KDM2B: variants seen among roughly 807,000 people sequenced by gnomAD.
KDM2B encodes lysine demethylase 2B.
A neutral mutation model predicts 150.0 loss-of-function variants in KDM2B; 26 were observed. That is an observed-to-expected ratio of 0.17 (90% CI 0.13 to 0.24). KDM2B has a LOEUF of 0.24. Ranked by LOEUF, KDM2B falls within the 10% of genes least tolerant of loss-of-function variation. The pLI, the probability that KDM2B is intolerant of heterozygous loss-of-function variation, is 1.00. For missense variants in KDM2B, 1,265 were observed against 1,816.9 expected, an observed-to-expected ratio of 0.70 and a Z score of 5.52; for synonymous variants, 734 against 729.5, an observed-to-expected ratio of 1.01 and a Z score of -0.10.
rs1353106164 is a variant in KDM2B at position 121,444,168 on chromosome 12, C to T, written c.2295G>A (p.Lys765=). Residue 765 remains lysine, a synonymous_variant, in exon 16 of 23, where the codon AAG becomes AAA. Coordinates refer to ENST00000377071, the MANE Select transcript of KDM2B (RefSeq NM_032590.5). ...GCGCCTCCTCACACTCACTCCTCCGCTTGGCAGGTTCCTGCCCTTCCTTGT... is the reference window on the plus strand; with the variant it reads ...GCGCCTCCTCACACTCACTCCTCCGTTTGGCAGGTTCCTGCCCTTCCTTGT... ...RDNKEGQEPA[K]RRSECEEAPR... 5.6e-6 allele frequency: 9 copies of T among 1,612,588 alleles called. No homozygotes were observed. The highest frequency in any genetic ancestry group is 7.6e-6 in the Non-Finnish European group (9 of 1,180,050).
At chr12:121,541,929 T>C (rs1329296826) in intron 6 of KDM2B, among the ~76,000 whole-genome samples, 2 of 152,212 alleles carry the variant, frequency 1.3e-5, no homozygotes, top group African/African-American at 2.4e-5. Context: ...GCCCATGTCA[T>C]AGAACTAGGC....
chr12:121,427,087 A>G (rs1213654999), downstream of KDM2B, among the ~76,000 whole-genome samples: 1 of 152,194 alleles, frequency 6.6e-6, no homozygotes, highest in Non-Finnish European at 1.5e-5. Context: ...AGAGGAAGGG[A>G]CAGAGCCTCT....
chr12:121,455,534 G>T (rs1240245830), intron 12 of KDM2B, among the ~76,000 whole-genome samples: 1 of 152,060 alleles, frequency 6.6e-6, no homozygotes, highest in Admixed American at 6.6e-5. Flanking sequence ...AACATAGTGA[G>T]ACCTACAAAA....
At chr12:121,449,391 A>G (rs7980819) in intron 13 of KDM2B, among the ~76,000 whole-genome samples, 83,877 of 151,804 alleles carry the variant, frequency 0.55, 23,472 homozygotes, top group East Asian at 0.67. Context: ...CAGAAGGGCT[A>G]GGAGAAGAGT....
intron 12 of KDM2B, among the ~76,000 whole-genome samples, chr12:121,475,416 C>A (rs540020341): frequency 2.0e-5 from 3 of 151,302 alleles, no homozygotes; most frequent in African/African-American, 7.3e-5. Flanking sequence ...ACACTGAGAC[C>A]CTGTCTTTAC....
At chr12:121,507,685 T>G in intron 11 of KDM2B, among the ~76,000 whole-genome samples, 1 of 151,996 alleles carries the variant, frequency 6.6e-6, no homozygotes, top group East Asian at 1.9e-4. Context: ...CACACAGAAA[T>G]AGATCACAGA....
chr12:121,416,310 C>T, the KDM2B span: 1 of 1,614,126 alleles, frequency 6.2e-7, no homozygotes, highest in East Asian at 2.2e-5. Flanking sequence ...TACCCACCAG[C>T]AGCTACGGAA....
intron 12 of KDM2B, among the ~76,000 whole-genome samples, chr12:121,488,709 C>T (rs1883033048): frequency 1.3e-5 from 2 of 152,142 alleles, no homozygotes; most frequent in Non-Finnish European, 2.9e-5. Flanking sequence ...GAAACCTCCG[C>T]CTCCCAGGTT....
chr12:121,467,374 G>C lies in KDM2B; in HGVS notation c.1735-14030C>G. ...GCCGCGCCGCGCGCCTCGCACGCCC[G>C]CGCTGGAGGGGGCGGGGAGGGGCCG... On this transcript the variant is annotated intron_variant, in intron 12 of 22. Transcript: ENST00000377071. This position sits in a 1 kb window ranked among gnomAD's most constrained non-coding sequence, Gnocchi z 5.1. 1.0e-6 allele frequency: 1 copy of C among 980,674 alleles called. No individual in the cohort carries two copies. The highest frequency in any genetic ancestry group is 1.2e-6 in the Non-Finnish European group (1 of 827,680). 60.7% of individuals were successfully genotyped at this position (980,674 alleles called of 1,614,324 possible). A position where few individuals can be genotyped will look rare whatever the true frequency, so the allele number is the denominator to read the frequency against.
At chr12:121,439,341 A>G (rs1344995649) in intron 22 of KDM2B, among the ~76,000 whole-genome samples, 2 of 149,580 alleles carry the variant, frequency 1.3e-5, no homozygotes, top group African/African-American at 4.9e-5. Flanking sequence ...GCTAACTGGC[A>G]CTATTTTGGG....
the KDM2B span, chr12:121,416,492 G>A: frequency 1.3e-5 from 10 of 746,716 alleles, no homozygotes; most frequent in South Asian, 1.6e-4. Flanking sequence ...CAAAAGCTTA[G>A]TTCCATTAGC....
the KDM2B span, chr12:121,420,779 G>T: frequency 1.2e-6 from 2 of 1,606,216 alleles, no homozygotes; most frequent in South Asian, 1.1e-5. Flanking sequence ...CAAAAGTCCT[G>T]TAGGTTTATC....
At chr12:121,439,685 T>TA (rs1456512512) in intron 22 of KDM2B, among the ~76,000 whole-genome samples, 172 bp downstream of exon 22, 3 of 152,200 alleles carry the variant, frequency 2.0e-5, no homozygotes, top group African/African-American at 7.2e-5. Context: ...CGGCCAACAG[T>TA]AACTCTTTGT....
In KDM2B at chr12:121,468,928, T is replaced by C. The variant is rs559736712; in HGVS notation, c.1735-15584A>G. ...ACTCTCCTTTTTTTGAGACAGACTC[T>C]CACTCTGTCGCCCAGGCTGGAGTGC... On this transcript the variant is annotated intron_variant, in intron 12 of 22. Transcript: ENST00000377071. The surrounding 1 kb of genome is among the most constrained non-coding windows in gnomAD (Gnocchi z 4.0). 2 of 152,284 alleles carry C rather than the reference T, an allele frequency of 1.3e-5. No homozygotes were observed. The highest frequency in any genetic ancestry group is 3.9e-4 in the East Asian group (2 of 5,174). The allele number at this position is 152,284 out of a possible 1,614,324, so 9.4% of individuals were successfully genotyped here.
chr12:121,412,092 C>T, the KDM2B span, among the ~76,000 whole-genome samples: 67 of 152,022 alleles, frequency 4.4e-4, no homozygotes, highest in Non-Finnish European at 5.0e-4. Context: ...GATGGAGTCT[C>T]GCTCTGTCAC....
rs113703452 is a variant in KDM2B at position 121,500,386 on chromosome 12, G to A, written c.1648-5721C>T. Among the ~76,000 whole-genome samples the A allele has an allele frequency of 3.5e-3, 535 of 152,308 alleles. 3 individuals carry two copies. Among genetic ancestry groups the A allele is most frequent in the African/African-American group, 0.012 (513 of 41,580 alleles). On this transcript the variant is annotated intron_variant, in intron 11 of 22. Transcript: ENST00000377071. ...GATCCAACCGTGGGACCCTTTCTGC[G>A]GGAAACTGCCCCGTACTGGACCTGA...
At position 121,442,365 on chromosome 12, in the gene KDM2B, G is replaced by A. The variant is rs375900146; in HGVS notation, c.3076C>T (p.Pro1026Ser). The change falls in exon 19 of 23, where the codon CCC becomes TCC. Residue 1026 changes from proline (P) to serine (S), a missense_variant. Physicochemically the swap from Pro to Ser is moderately conservative, Grantham distance 74 (BLOSUM62 -1). Transcript: ENST00000377071. This position sits in a 1 kb window ranked among gnomAD's most constrained non-coding sequence, Gnocchi z 7.7. ...LRSPPRVISR[P>S]PPSVSPPKCI... Reference sequence around the variant, plus strand: ...TTGGGCGGGGACACGGAGGGTGGGGGCCGGGAGATGACACGGGGCGGGCTG... The same window carrying A: ...TTGGGCGGGGACACGGAGGGTGGGGACCGGGAGATGACACGGGGCGGGCTG... 3 of 1,567,766 alleles carry A rather than the reference G, an allele frequency of 1.9e-6. No individual in the cohort carries two copies. The highest frequency in any genetic ancestry group is 2.6e-6 in the Non-Finnish European group (3 of 1,149,314).
Position 121,441,113 on chromosome 12 carries a change from A to G in KDM2B, c.3405T>C (p.Asn1135=), listed in dbSNP as rs893402489. The change falls in exon 20 of 23, where the codon AAT becomes AAC. Residue 1135 remains asparagine (N), a synonymous_variant. Transcript: ENST00000377071. ...QPVSLDLSWT[N]ISKKQLSWLI... The stretch of plus-strand genomic sequence containing the variant: ...GCCAGCTCAGCTGCTTCTTGGAGAT[A>G]TTGGTCCAGCTGAGGTCGAGGGAGA... 1.2e-5 allele frequency: 20 copies of G among 1,614,072 alleles called. No individual in the cohort carries two copies. The East Asian group carries it at 3.3e-4, about 27-fold the overall frequency.
Position 121,453,338 on chromosome 12 carries a change from C to G in KDM2B, c.1741G>C (p.Ala581Pro). The change falls in exon 13 of 23, where the codon GCT becomes CCT. Residue 581 changes from alanine (A) to proline (P), a missense_variant. By Grantham distance (27) the Ala-to-Pro change is conservative. Around this residue, in one of 11 missense-constraint regions of KDM2B, gnomAD observed 69 missense variants for 85.7 expected, o/e 0.81. Transcript: ENST00000377071. The surrounding 1 kb of genome is among the most constrained non-coding windows in gnomAD (Gnocchi z 6.4). The stretch of plus-strand genomic sequence containing the variant: ...AGCTTCCCCTTGGGCCGACCCACAG[C>G]CCGGTTCTGCAGGGGAACAGACACG... ...TWPKKTPKNRAVGRPKGKLGP... is the reference protein window; with the variant it reads ...TWPKKTPKNRPVGRPKGKLGP... 1 of 1,573,536 alleles carries G rather than the reference C, an allele frequency of 6.4e-7. No homozygotes were observed. The highest frequency in any genetic ancestry group is 8.6e-7 in the Non-Finnish European group (1 of 1,159,186).
Sources: allele counts gnomAD v4.1 joint callset (sites outside exome capture counted in the v4.1 genomes callset), GRCh38; gene constraint gnomAD v4.1.1; regional missense constraint gnomAD v4.1.1; non-coding constraint Gnocchi (gnomAD v3.1); transcripts MANE v1.5; gene names NCBI Gene and HGNC (gene_info 2026-07-23, HGNC 2026-07-21).